The following POU6F2 variants were observed in gnomAD, a reference collection of about 807,000 sequenced individuals.
POU6F2 encodes POU class 6 homeobox 2.
Under a neutral mutation model 71.3 loss-of-function variants are expected in POU6F2, and 31 were observed. The observed-to-expected ratio is 0.43, with a 90% CI of 0.33 to 0.59. The LOEUF (loss-of-function observed/expected upper bound fraction) is 0.59, where lower values mean the gene tolerates loss of function less well. POU6F2 is among the 20% of genes least tolerant of loss of function. The probability of loss-of-function intolerance (pLI) is 0.04; values close to 1 mark genes in which losing one functional copy is unlikely to be tolerated. For synonymous variants in POU6F2, 347 were observed against 355.7 expected, an observed-to-expected ratio of 0.98 and a Z score of 0.27; for missense variants, 783 against 856.8, an observed-to-expected ratio of 0.91 and a Z score of 1.07.
At chr7:39,172,857 A>G (rs1215561451) in intron 2 of POU6F2, among the ~76,000 whole-genome samples, 14 of 151,918 alleles carry the variant, frequency 9.2e-5, no homozygotes, top group East Asian at 1.9e-4. Context: ...CTGGGCTCAA[A>G]TGATCCACCC....
chr7:39,027,386 A>G (rs1165390049), intron 1 of POU6F2, among the ~76,000 whole-genome samples: 1 of 152,128 alleles, frequency 6.6e-6, no homozygotes, highest in African/African-American at 2.4e-5. Context: ...CTATAATGCA[A>G]ATTAGGTTGT....
chr7:39,206,916 G>T (rs1404118443), intron 3 of POU6F2, among the ~76,000 whole-genome samples: 1 of 152,250 alleles, frequency 6.6e-6, no homozygotes, highest in Middle Eastern at 3.4e-3. Context: ...CCATAGATCT[G>T]CATAATGGTG....
chr7:39,305,638 C>T (rs1418712956), intron 4 of POU6F2, among the ~76,000 whole-genome samples: 1 of 152,190 alleles, frequency 6.6e-6, no homozygotes, highest in Non-Finnish European at 1.5e-5. Context: ...ATTATAATTG[C>T]ATGGGAGGAC....
intron 1 of POU6F2, among the ~76,000 whole-genome samples, chr7:39,068,798 T>C (rs1790813381): frequency 6.6e-6 from 1 of 152,194 alleles, no homozygotes; most frequent in African/African-American, 2.4e-5. Flanking sequence ...ACTTGATAAC[T>C]CTTCTTTTCT....
At chr7:39,000,007 G>A (rs17171516) in intron 1 of POU6F2, among the ~76,000 whole-genome samples, 7,030 of 152,218 alleles carry the variant, frequency 0.046, 399 homozygotes, top group African/African-American at 0.14. Flanking sequence ...CATAATGAGA[G>A]ATTTTTTAGA....
At chr7:39,140,188 T>C (rs1173660231) in intron 2 of POU6F2, among the ~76,000 whole-genome samples, 1 of 152,226 alleles carries the variant, frequency 6.6e-6, no homozygotes, top group East Asian at 1.9e-4. Flanking sequence ...TGCCTACTTT[T>C]ACAAATCTAA....
chr7:38,981,183 G>C (rs1425003283), intron 1 of POU6F2, among the ~76,000 whole-genome samples: 2 of 152,162 alleles, frequency 1.3e-5, no homozygotes, highest in African/African-American at 4.8e-5. Context: ...CAATTACACA[G>C]TTAATCAGTT....
intron 6 of POU6F2, among the ~76,000 whole-genome samples, chr7:39,411,811 T>A (rs1332706208): frequency 6.6e-6 from 1 of 152,128 alleles, no homozygotes; most frequent in Non-Finnish European, 1.5e-5. Flanking sequence ...ACAAAACCAT[T>A]GATTGCCACT....
intron 5 of POU6F2, among the ~76,000 whole-genome samples, chr7:39,353,406 G>T (rs1786182773): frequency 1.3e-5 from 2 of 152,246 alleles, no homozygotes. Flanking sequence ...ATGTACATGT[G>T]AACGACAAAT....
At chr7:39,184,459 A>G (rs1457109855) in intron 2 of POU6F2, among the ~76,000 whole-genome samples, 7 of 152,212 alleles carry the variant, frequency 4.6e-5, no homozygotes, top group African/African-American at 1.4e-4. Context: ...GCCTAAATTT[A>G]CGCCCAGCAC....
intron 2 of POU6F2, among the ~76,000 whole-genome samples, chr7:39,188,417 A>G (rs1305699804): frequency 6.6e-6 from 1 of 152,160 alleles, no homozygotes. Flanking sequence ...GGCTCAAATA[A>G]GTCTTATGCC....
intron 2 of POU6F2, among the ~76,000 whole-genome samples, chr7:39,170,924 T>C (rs1793206713): frequency 6.8e-6 from 1 of 147,934 alleles, no homozygotes; most frequent in African/African-American, 2.5e-5. Context: ...CAAAAAAAAA[T>C]CACATGTAAC....
intron 1 of POU6F2, among the ~76,000 whole-genome samples, chr7:39,065,094 C>G (rs1183633562): frequency 6.6e-6 from 1 of 151,716 alleles, no homozygotes; most frequent in East Asian, 1.9e-4. Context: ...CCCTTATAAA[C>G]ATAGAAGATA....
intron 6 of POU6F2, among the ~76,000 whole-genome samples, chr7:39,408,411 A>G (rs2115904600): frequency 6.6e-6 from 1 of 152,356 alleles, no homozygotes. Context: ...AGGGCTGATT[A>G]CTTTGCCAAT....
At chr7:39,311,111 C>T (rs1048044103) in intron 4 of POU6F2, among the ~76,000 whole-genome samples, 8 of 151,890 alleles carry the variant, frequency 5.3e-5, no homozygotes, top group Non-Finnish European at 1.0e-4. Flanking sequence ...GTGGCTGTCT[C>T]CTCCTCCTCA....
chr7:39,448,597 C>A (rs1019958232), intron 7 of POU6F2, among the ~76,000 whole-genome samples: 1 of 152,136 alleles, frequency 6.6e-6, no homozygotes, highest in Non-Finnish European at 1.5e-5. Context: ...TCTGAAATTT[C>A]TTCTCTTGCC....
At chr7:39,030,413 A>C (rs1002128891) in intron 1 of POU6F2, among the ~76,000 whole-genome samples, 1 of 147,482 alleles carries the variant, frequency 6.8e-6, no homozygotes, top group South Asian at 2.1e-4. Flanking sequence ...TTTTGTCTAG[A>C]TCACTCTTGC....
chr7:39,459,917 G>T (rs1788905803), intron 8 of POU6F2, among the ~76,000 whole-genome samples: 1 of 152,122 alleles, frequency 6.6e-6, no homozygotes, highest in Non-Finnish European at 1.5e-5. Flanking sequence ...CCTTTCAGGG[G>T]ACAAAGGCGT....
intron 2 of POU6F2, among the ~76,000 whole-genome samples, chr7:39,106,931 G>A (rs2128724745): frequency 6.6e-6 from 1 of 151,874 alleles, no homozygotes; most frequent in African/African-American, 2.4e-5. Flanking sequence ...TTACTAATTA[G>A]GCTTGAATGC....
Sources: gnomAD v4.1 joint callset for allele counts (sites outside exome capture counted in the v4.1 genomes callset) on GRCh38, gnomAD v4.1.1 for gene constraint, MANE v1.5 for transcripts, NCBI Gene and HGNC (gene_info 2026-07-23, HGNC 2026-07-21) for gene names.